Variants in GPC5 observed in about 807,000 individuals in gnomAD.
The protein encoded by GPC5 is glypican-5.
A neutral mutation model predicts 53.9 loss-of-function variants in GPC5; 47 were observed. The ratio of observed to expected loss-of-function variants is 0.87; its 90% confidence interval spans 0.69 to 1.11. The LOEUF is 1.11. Ranked by LOEUF, GPC5 falls within the 50% of genes most tolerant of loss-of-function variation. The pLI, the probability that GPC5 is intolerant of heterozygous loss-of-function variation, is 0.00. For synonymous variants in GPC5, 286 were observed against 263.3 expected, an observed-to-expected ratio of 1.09 and a Z score of -0.84; for missense variants, 748 against 713.1, an observed-to-expected ratio of 1.05 and a Z score of -0.56.
At position 92,310,803 on chromosome 13, in the gene GPC5, G is replaced by A. The variant is rs149145105; in HGVS notation, c.1561+165814G>A. On this transcript the variant is annotated intron_variant, in intron 7 of 7. Coordinates refer to ENST00000377067, the MANE Select transcript of GPC5 (RefSeq NM_004466.6). ...TGTAAAAACTGTTTAACTTACACTC[G>A]GTAAACAAATAGTAACCAGATTATA... Among the ~76,000 whole-genome samples the A allele has an allele frequency of 8.5e-5, 13 of 152,070 alleles. No homozygotes were observed. The East Asian group carries it at 1.7e-3, about 20-fold the overall frequency.
At chr13:91,788,429 C>A (rs1047251012) in intron 5 of GPC5, among the ~76,000 whole-genome samples, 2 of 152,038 alleles carry the variant, frequency 1.3e-5, no homozygotes, top group Non-Finnish European at 2.9e-5. Flanking sequence ...CATAAACATT[C>A]AATCTGTAGC....
chr13:92,281,124 C>A (rs189592062), intron 7 of GPC5, among the ~76,000 whole-genome samples: 385 of 152,272 alleles, frequency 2.5e-3, no homozygotes, highest in Non-Finnish European at 3.4e-3. Flanking sequence ...TCAGAGGGTC[C>A]CACGCCCACG....
intron 6 of GPC5, among the ~76,000 whole-genome samples, chr13:92,057,292 A>G (rs557213376): frequency 9.9e-6 from 1 of 100,840 alleles, no homozygotes; most frequent in Non-Finnish European, 2.1e-5. Context: ...GTGGAAAACA[A>G]AAAAACAAAA....
rs182000005 is a variant in GPC5 at position 91,845,021 on chromosome 13, G to T, written c.1281-62916G>T. On this transcript the variant is annotated intron_variant, in intron 5 of 7. Coordinates refer to ENST00000377067, the MANE Select transcript of GPC5 (RefSeq NM_004466.6). Reference sequence around the variant, plus strand: ...TCTGGGGAGAAGATCTGAAAAACACGGGACTTATTCATATAACCTAGCAAA... The same window carrying T: ...TCTGGGGAGAAGATCTGAAAAACACTGGACTTATTCATATAACCTAGCAAA... Among the ~76,000 whole-genome samples, 7 of 152,184 alleles carry T rather than the reference G, an allele frequency of 4.6e-5. No individual in the cohort carries two copies. The East Asian group carries it at 1.4e-3, about 29-fold the overall frequency.
At chr13:91,652,085 C>T (rs2034725225) in intron 2 of GPC5, among the ~76,000 whole-genome samples, 1 of 152,230 alleles carries the variant, frequency 6.6e-6, no homozygotes, top group Non-Finnish European at 1.5e-5. Flanking sequence ...CTCTCCTTAT[C>T]TGCAAATAGG....
intron 5 of GPC5, among the ~76,000 whole-genome samples, chr13:91,759,159 T>G (rs1259994835): frequency 6.6e-6 from 1 of 152,170 alleles, no homozygotes; most frequent in Non-Finnish European, 1.5e-5. Context: ...ACGAGAAAAT[T>G]CTGTGTCTTT....
At chr13:92,088,723 A>G (rs2041354847) in intron 6 of GPC5, among the ~76,000 whole-genome samples, 1 of 152,166 alleles carries the variant, frequency 6.6e-6, no homozygotes, top group Non-Finnish European at 1.5e-5. Flanking sequence ...TATATATCAC[A>G]TATATGAGTA....
At chr13:92,767,953 C>T (rs1034076138) in intron 7 of GPC5, among the ~76,000 whole-genome samples, 23 of 151,950 alleles carry the variant, frequency 1.5e-4, no homozygotes, top group African/African-American at 5.6e-4. Context: ...TCGTTTTGCC[C>T]AAAATTGTGC....
chr13:91,808,451 A>C (rs2038257332), intron 5 of GPC5, among the ~76,000 whole-genome samples: 1 of 152,064 alleles, frequency 6.6e-6, no homozygotes, highest in East Asian at 1.9e-4. Context: ...GACTCTAATT[A>C]GTTATTTTAC....
At position 91,496,574 on chromosome 13, in the gene GPC5, T is replaced by C. The variant is rs1884277565; in HGVS notation, c.325+47652T>C. Among the ~76,000 whole-genome samples, 3 of 152,138 alleles carry C rather than the reference T, an allele frequency of 2.0e-5. No individual in the cohort carries two copies. In the South Asian group the frequency reaches 6.2e-4, roughly 32 times the overall value. On this transcript the variant is annotated intron_variant, in intron 2 of 7. Coordinates refer to ENST00000377067, the MANE Select transcript of GPC5 (RefSeq NM_004466.6). ...TCATTTATTTGTAGGAGCAAAAAAT[T>C]AAAACAATTGAACTTATGGACATAG...
At chr13:91,880,292 T>A (rs2039250010) in intron 5 of GPC5, among the ~76,000 whole-genome samples, 1 of 152,096 alleles carries the variant, frequency 6.6e-6, no homozygotes, top group Non-Finnish European at 1.5e-5. Context: ...TTTTATGTTT[T>A]TCTCTTTAAA....
intron 4 of GPC5, among the ~76,000 whole-genome samples, chr13:91,741,406 C>T (rs2036930459): frequency 6.6e-6 from 1 of 151,982 alleles, no homozygotes; most frequent in Non-Finnish European, 1.5e-5. Context: ...AGAAATGAGG[C>T]AGGGCATGAT....
At chr13:92,247,749 A>G (rs781748072) in intron 7 of GPC5, among the ~76,000 whole-genome samples, 3 of 152,138 alleles carry the variant, frequency 2.0e-5, no homozygotes, top group African/African-American at 2.4e-5. Context: ...TAACTACCAT[A>G]TAATAGAATA....
intron 7 of GPC5, among the ~76,000 whole-genome samples, chr13:92,404,642 T>G (rs1875714539): frequency 7.6e-6 from 1 of 131,548 alleles, no homozygotes; most frequent in South Asian, 2.3e-4. Flanking sequence ...TGGTTTACAT[T>G]CTTATTCCTA....
intron 7 of GPC5, among the ~76,000 whole-genome samples, chr13:92,559,280 C>T (rs1215434256): frequency 1.3e-5 from 2 of 151,378 alleles, no homozygotes; most frequent in African/African-American, 4.9e-5. Context: ...GATATGTCAG[C>T]ATCTGGACAG....
chr13:91,418,054 C>A (rs566065065), intron 1 of GPC5, among the ~76,000 whole-genome samples: 8 of 152,218 alleles, frequency 5.3e-5, no homozygotes, highest in African/African-American at 1.4e-4. Context: ...CTCCATCCTG[C>A]CTGGGACATG....
rs140755922 is a variant in GPC5 at position 92,235,088 on chromosome 13, A to G, written c.1561+90099A>G. 4.5e-3 allele frequency among the ~76,000 whole-genome samples: 680 copies of G among 152,264 alleles called. 8 individuals carry two copies. Among genetic ancestry groups the G allele is most frequent in the African/African-American group, 0.016 (654 of 41,540 alleles). Reference sequence around the variant, plus strand: ...AAGTCAACCAATTGACATGAACTCAATCAAAAAAATTGGGGACTAGAAGAG... The same window carrying G: ...AAGTCAACCAATTGACATGAACTCAGTCAAAAAAATTGGGGACTAGAAGAG... On this transcript the variant is annotated intron_variant, in intron 7 of 7. Coordinates refer to ENST00000377067, the MANE Select transcript of GPC5 (RefSeq NM_004466.6).
intron 7 of GPC5, chr13:92,447,575 T>C (rs1321693011): frequency 6.6e-6 from 1 of 152,118 alleles, no homozygotes; most frequent in Non-Finnish European, 1.5e-5. Context: ...TCAACAAACT[T>C]CAAATGATGT....
intron 2 of GPC5, among the ~76,000 whole-genome samples, chr13:91,474,729 T>A (rs1427188020): frequency 6.6e-6 from 1 of 152,146 alleles, no homozygotes; most frequent in East Asian, 1.9e-4. Flanking sequence ...GGGCCAGTTT[T>A]CAGAGGCTAC....
Sources: gnomAD v4.1 joint callset for allele counts (sites outside exome capture counted in the v4.1 genomes callset) on GRCh38, gnomAD v4.1.1 for gene constraint, MANE v1.5 for transcripts, NCBI Gene and HGNC (gene_info 2026-07-23, HGNC 2026-07-21) for gene names.